ACAN: variants seen among roughly 807,000 people sequenced by gnomAD.
ACAN encodes the protein aggrecan, also known as aggrecan core protein.
A neutral mutation model predicts 169.1 loss-of-function variants in ACAN; 47 were observed. The ratio of observed to expected loss-of-function variants is 0.28; its 90% CI spans 0.22 to 0.35. ACAN has a LOEUF of 0.35. Among genes scored for constraint, ACAN ranks in the 10% least tolerant of loss-of-function variants. The pLI is 1.00. For missense variants in ACAN, 2,716 were observed against 2,759.9 expected, an observed-to-expected ratio of 0.98 and a Z score of 0.36; for synonymous variants, 1,115 against 1,112.2, an observed-to-expected ratio of 1.00 and a Z score of -0.05.
In ACAN at chr15:88,874,278, C is replaced by A; in HGVS notation, c.7631-127C>A. On this transcript the variant is annotated intron_variant, in intron 18 of 18. Transcript: ENST00000560601. The surrounding 1 kb of genome is among the most constrained non-coding windows in gnomAD (Gnocchi z 7.3). ...CCAAGAAAAATCCAAATCAGGAAAG[C>A]CGATAAAGCCTCAGGCGCCTGAGTC... 9.2e-7 allele frequency: 1 copy of A among 1,090,738 alleles called. No homozygotes were observed. The allele number at this position is 1,090,738 out of a possible 1,614,324, so 67.6% of individuals were successfully genotyped here.
At chr15:88,824,482 G>C (rs1265559202) in intron 1 of ACAN, among the ~76,000 whole-genome samples, 2 of 152,198 alleles carry the variant, frequency 1.3e-5, no homozygotes, top group Non-Finnish European at 2.9e-5. Flanking sequence ...CGGAAATACA[G>C]CAGTGAGAAA....
intron 1 of ACAN, among the ~76,000 whole-genome samples, chr15:88,830,714 G>T (rs1006032341): frequency 1.3e-4 from 20 of 152,214 alleles, no homozygotes; most frequent in Non-Finnish European, 1.5e-5. Context: ...AGAGCTTGCA[G>T]GACTGGAAGT....
At position 88,859,286 on chromosome 15, in the gene ACAN, T is replaced by C; in HGVS notation, c.6701T>C (p.Leu2234Pro). ...ACCCAGCGCCCTGCAGAGACGCATC[T>C]AGAAATTGAGTCCTCAAGCCTCCTG... ...QQTQRPAETH[L>P]EIESSSLLYS... Residue 2234 changes from leucine to proline, a missense_variant, in exon 12 of 19, where the codon CTA (leucine) becomes CCA (proline). By Grantham distance (98) the Leu-to-Pro change is moderately conservative (BLOSUM62 -3). Transcript: ENST00000560601. 2 of 1,613,584 alleles carry C rather than the reference T, an allele frequency of 1.2e-6. No homozygotes were observed. Among genetic ancestry groups the C allele is most frequent in the South Asian group, 2.2e-5 (2 of 91,008 alleles).
Position 88,870,468 on chromosome 15 carries a change from T to A in ACAN, c.7061-914T>A, listed in dbSNP as rs1023060312. Among the ~76,000 whole-genome samples the A allele has an allele frequency of 6.6e-6, 1 of 152,232 alleles. No homozygotes were observed. The highest frequency in any genetic ancestry group is 6.5e-5 in the Admixed American group (1 of 15,290). ...GGAGAAAGGAGCCCTGATTGTAGCATCTGCCAATTCCTGAGGTGTAAATGC... is the reference window on the plus strand; with the variant it reads ...GGAGAAAGGAGCCCTGATTGTAGCAACTGCCAATTCCTGAGGTGTAAATGC... On this transcript the variant is annotated intron_variant, in intron 14 of 18. Coordinates refer to ENST00000560601, the MANE Select transcript of ACAN (RefSeq NM_001369268.1). The surrounding 1 kb of genome is among the most constrained non-coding windows in gnomAD (Gnocchi z 6.3).
Position 88,865,670 on chromosome 15 carries a change from G to C in ACAN, c.6947-2546G>C, listed in dbSNP as rs1443257564. ...CCAAAGCCCTTCCCTCCCTCCACTT[G>C]CAAGCTCCTTATCCAGGATCCATCA... On this transcript the variant is annotated intron_variant, in intron 13 of 18. Coordinates refer to ENST00000560601, the MANE Select transcript of ACAN (RefSeq NM_001369268.1). Among the ~76,000 whole-genome samples the C allele has an allele frequency of 2.6e-5, 4 of 152,070 alleles. No homozygotes were observed. In the East Asian group the frequency reaches 7.7e-4, roughly 29 times the overall value.
chr15:88,872,201 G>T lies in ACAN; in HGVS notation c.7302+116G>T. ...ACAGCCGCTTACCAGCTGCTGGACC[G>T]GGAACCCTTGAGGGCAGGGATTATC... On this transcript the variant is annotated intron_variant, in intron 16 of 18. Transcript: ENST00000560601. This position sits in a 1 kb window ranked among gnomAD's most constrained non-coding sequence, Gnocchi z 5.4. The T allele has an allele frequency of 1.1e-6, 1 of 887,694 alleles. No homozygotes were observed. Among genetic ancestry groups the T allele is most frequent in the Non-Finnish European group, 1.8e-6 (1 of 555,622 alleles). 55.0% of individuals were successfully genotyped at this position (887,694 alleles called of 1,614,324 possible). A position where few individuals can be genotyped will look rare whatever the true frequency, so the allele number is the denominator to read the frequency against.
Position 88,857,069 on chromosome 15 carries a change from T to C in ACAN, c.4484T>C (p.Val1495Ala), listed in dbSNP as rs1444155069. The change falls in exon 12 of 19, where the codon GTT (valine) becomes GCT (alanine). Residue 1495 changes from valine to alanine, a missense_variant. Physicochemically the swap from Val to Ala is moderately conservative, Grantham distance 64. Transcript: ENST00000560601. The part of the protein sequence containing the change: ...EDISGLPSGE[V>A]VETSASGIED... ...ATCAGTGGGCTTCCTTCTGGAGAGG[T>C]TGTAGAGACTTCTGCCTCTGGAATA... The C allele has an allele frequency of 6.2e-7, 1 of 1,610,336 alleles. No homozygotes were observed.
chr15:88,844,368 T>TTTATTATTATTATTATTATTA lies in ACAN; in HGVS notation c.1051+740_1051+741insATTATTATTATTATTATTATT, dbSNP rs59329974. On this transcript the variant is annotated intron_variant, in intron 6 of 18. Transcript: ENST00000560601. ...CAGGCTGGGCAAAATGTCATTTTACTTTATTATTATTATTATTATTGTTGA... is the reference window on the plus strand; with the variant it reads ...CAGGCTGGGCAAAATGTCATTTTACTTTATTATTATTATTATTATTATTATTATTATTATTATTATTGTTGA... Among the ~76,000 whole-genome samples, 59 of 149,800 alleles carry TTTATTATTATTATTATTATTA rather than the reference T, an allele frequency of 3.9e-4. No homozygotes were observed. In the East Asian group the frequency reaches 9.8e-3, roughly 25 times the overall value.
At chr15:88,812,557 C>T (rs1895846505) in intron 1 of ACAN, among the ~76,000 whole-genome samples, 1 of 152,318 alleles carries the variant, frequency 6.6e-6, no homozygotes, top group South Asian at 2.1e-4. Context: ...CCTGGCCTCT[C>T]ACTTCCTTCA....
Position 88,874,485 on chromosome 15 carries a change from G to C in ACAN, c.*4G>C, listed in dbSNP as rs1267114359. 1 of 1,596,062 alleles carries C rather than the reference G, an allele frequency of 6.3e-7. No homozygotes were observed. Among genetic ancestry groups the C allele is most frequent in the South Asian group, 1.1e-5 (1 of 87,720 alleles). On this transcript the variant is annotated 3_prime_UTR_variant, in exon 19 of 19. Transcript: ENST00000560601. This position sits in a 1 kb window ranked among gnomAD's most constrained non-coding sequence, Gnocchi z 7.3. ...CCGCCCCAGCACAGCCCACTGAGAA[G>C]AGCTTCCAGGACGCACCCAGGACGC...
In ACAN at chr15:88,855,074, C is replaced by A; in HGVS notation, c.2489C>A (p.Ser830Tyr). 1 of 1,582,738 alleles carries A rather than the reference C, an allele frequency of 6.3e-7. No homozygotes were observed. The highest frequency in any genetic ancestry group is 8.6e-7 in the Non-Finnish European group (1 of 1,166,758). Residue 830 changes from serine (S) to tyrosine (Y), a missense_variant, in exon 12 of 19, where the codon TCC (serine) becomes TAC (tyrosine). Ser to Tyr is a moderately radical substitution (Grantham distance 144, BLOSUM62 -2). Coordinates refer to ENST00000560601, the MANE Select transcript of ACAN (RefSeq NM_001369268.1). ...GAGCCATTCCCCTCCAAGGAGCCAT[C>A]CCCCTCAGAGGAACCATCAGCCTCG... is the stretch of plus-strand genomic sequence containing the variant. ...SEEPFPSKEPSPSEEPSASEE... is the reference protein window; with the variant it reads ...SEEPFPSKEPYPSEEPSASEE...
chr15:88,822,637 A>T (rs1896105614), intron 1 of ACAN, among the ~76,000 whole-genome samples: 1 of 152,054 alleles, frequency 6.6e-6, no homozygotes, highest in Non-Finnish European at 1.5e-5. Context: ...GGGTTTCTCC[A>T]TGTTGAGGCT....
chr15:88,842,355 G>A (rs1896682747), intron 5 of ACAN, among the ~76,000 whole-genome samples: 1 of 152,156 alleles, frequency 6.6e-6, no homozygotes, highest in East Asian at 1.9e-4. Flanking sequence ...TGGGGGCAGT[G>A]GAGAGGAACC....
At position 88,843,663 on chromosome 15, in the gene ACAN, G is replaced by A. The variant is rs777671423; in HGVS notation, c.1051+15G>A. The stretch of plus-strand genomic sequence containing the variant: ...CTGCTACACAGGTGGGGCACGGCTG[G>A]TGGTGGGAAGGGAGTTCATGCCACT... On this transcript the variant is annotated intron_variant, in intron 6 of 18. Transcript: ENST00000560601. This position sits in a 1 kb window ranked among gnomAD's most constrained non-coding sequence, Gnocchi z 4.0. 12 of 1,552,632 alleles carry A rather than the reference G, an allele frequency of 7.7e-6. No individual in the cohort carries two copies. Among genetic ancestry groups the A allele is most frequent in the Non-Finnish European group, 9.6e-6 (11 of 1,142,172 alleles).
intron 12 of ACAN, 72 bp from the exon 13 acceptor site, chr15:88,860,254 T>G: frequency 1.8e-6 from 2 of 1,113,240 alleles, no homozygotes; most frequent in Non-Finnish European, 1.3e-6. Context: ...TGCCCCAACT[T>G]TGAGGTCTTG....
At chr15:88,815,202 G>C (rs1014165110) in intron 1 of ACAN, among the ~76,000 whole-genome samples, 4 of 152,098 alleles carry the variant, frequency 2.6e-5, no homozygotes, top group African/African-American at 9.7e-5. Flanking sequence ...TGGAAGGGGA[G>C]GTCCTGTGGT....
At chr15:88,841,683 G>T (rs1037331418) in intron 4 of ACAN, 57 bp from the exon 5 acceptor site, 4 of 1,607,558 alleles carry the variant, frequency 2.5e-6, no homozygotes, top group Non-Finnish European at 3.4e-6. Flanking sequence ...AAAGGCAGAG[G>T]CCATGGGCTT....
chr15:88,822,022 T>A (rs927100598), intron 1 of ACAN, among the ~76,000 whole-genome samples: 2 of 152,204 alleles, frequency 1.3e-5, no homozygotes, highest in Non-Finnish European at 2.9e-5. Context: ...AGAAATAATA[T>A]GTGCAACATC....
intron 13 of ACAN, among the ~76,000 whole-genome samples, chr15:88,862,097 C>T (rs1897205877): frequency 6.6e-6 from 1 of 152,190 alleles, no homozygotes; most frequent in Non-Finnish European, 1.5e-5. Context: ...AAGAAACTCC[C>T]TCTTGAACAT....
Sources: gnomAD v4.1 joint callset for allele counts (sites outside exome capture counted in the v4.1 genomes callset) on GRCh38, gnomAD v4.1.1 for gene constraint, Gnocchi (gnomAD v3.1) non-coding constraint, MANE v1.5 for transcripts, NCBI Gene and HGNC (gene_info 2026-07-23, HGNC 2026-07-21) for gene names.